Variants in DNAI3 observed in about 807,000 individuals in gnomAD.
DNAI3 encodes the protein WD repeat domain 63.
A neutral mutation model predicts 115.5 loss-of-function variants in DNAI3; 83 were observed. The ratio of observed to expected loss-of-function variants is 0.72; its 90% CI spans 0.60 to 0.86. The LOEUF (loss-of-function observed/expected upper bound fraction) is 0.86, where lower values mean the gene tolerates loss of function less well. Among genes scored for constraint, DNAI3 ranks in the 40% least tolerant of loss-of-function variants. The probability of loss-of-function intolerance (pLI) is 0.00; values close to 1 mark genes in which losing one functional copy is unlikely to be tolerated. For synonymous variants in DNAI3, 320 were observed against 347.0 expected (o/e 0.92, Z 0.86); for missense variants, 1,004 against 1,075.8 (o/e 0.93, Z 0.93).
At chr1:85,117,324 G>T (rs1382566316) in intron 16 of DNAI3, among the ~76,000 whole-genome samples, 2 of 151,920 alleles carry the variant, frequency 1.3e-5, no homozygotes. Flanking sequence ...GATGATTTTC[G>T]TTCTTTTACT....
intron 8 of DNAI3, among the ~76,000 whole-genome samples, 175 bp from the exon 9 acceptor site, chr1:85,093,282 TG>T (rs1369940297): frequency 6.6e-6 from 1 of 152,250 alleles, no homozygotes; most frequent in Non-Finnish European, 1.5e-5. Context: ...GCCACCATGA[TG>T]TTTTTTTCTC....
At chr1:85,078,124 A>G (rs1037051166) in intron 3 of DNAI3, among the ~76,000 whole-genome samples, 6 of 151,956 alleles carry the variant, frequency 3.9e-5, no homozygotes, top group African/African-American at 1.2e-4. Context: ...TGTGTAGAGA[A>G]GCAGGACCCT....
rs575699482 is a variant in DNAI3, at chr1:85,068,835, C to A, written c.-14-3093C>A. Among the ~76,000 whole-genome samples, 101 of 152,174 alleles carry A rather than the reference C, an allele frequency of 6.6e-4. 2 individuals are homozygous for A. Among genetic ancestry groups the A allele is most frequent in the African/African-American group, 2.3e-3 (97 of 41,510 alleles). On this transcript the variant is annotated intron_variant, in intron 1 of 22. Transcript: ENST00000294664. ...TCAGGATTGACTTACTTGCTTAGGC[C>A]AATAGAATGTGAACAGGAGGCACAA...
In DNAI3 at chr1:85,104,611, C is replaced by T. The variant is rs1220644491; in HGVS notation, c.1553+14C>T. The stretch of plus-strand genomic sequence containing the variant: ...TTCAGCAGATTGGTAAGTCTTGTTT[C>T]AAACATTTCCTAATGTGTTTTCATA... On this transcript the variant is annotated intron_variant, in intron 14 of 22. Coordinates refer to ENST00000294664, the MANE Select transcript of DNAI3 (RefSeq NM_145172.5). The T allele has an allele frequency of 1.2e-5, 20 of 1,610,914 alleles. No individual in the cohort carries two copies. Among genetic ancestry groups the T allele is most frequent in the Non-Finnish European group, 1.7e-5 (20 of 1,177,716 alleles).
intron 1 of DNAI3, among the ~76,000 whole-genome samples, chr1:85,071,299 C>A (rs537065639): frequency 3.3e-5 from 5 of 152,268 alleles, no homozygotes; most frequent in Admixed American, 3.3e-4. Context: ...GTGAGCATGG[C>A]GGAGATGACA....
At chr1:85,076,967 C>T (rs1009585230) in intron 3 of DNAI3, among the ~76,000 whole-genome samples, 1 of 152,134 alleles carries the variant, frequency 6.6e-6, no homozygotes, top group Admixed American at 6.5e-5. Flanking sequence ...TCTGCTTCTT[C>T]ATCTGAAAAG....
chr1:85,093,374 AAGG>A (rs939266344), intron 8 of DNAI3, 81 bp from the exon 9 acceptor site: 118 of 1,215,888 alleles, frequency 9.7e-5, no homozygotes, highest in Middle Eastern at 1.9e-4. Flanking sequence ...AGTATAAATG[AAGG>A]AGGAGGAGTT....
intron 3 of DNAI3, among the ~76,000 whole-genome samples, chr1:85,073,636 A>G (rs1212649542): frequency 6.6e-6 from 1 of 152,206 alleles, no homozygotes; most frequent in African/African-American, 2.4e-5. Flanking sequence ...AGAAACAGAA[A>G]GGAGACAATG....
intron 11 of DNAI3, 144 bp downstream of exon 11, chr1:85,096,164 G>A (rs1348732359): frequency 1.7e-5 from 12 of 705,360 alleles, no homozygotes; most frequent in Admixed American, 6.9e-5. Flanking sequence ...ACACCAGGAA[G>A]CAGGGTATAG....
chr1:85,083,499 A>T (rs1455370775), intron 5 of DNAI3, among the ~76,000 whole-genome samples: 1 of 152,146 alleles, frequency 6.6e-6, no homozygotes, highest in Non-Finnish European at 1.5e-5. Flanking sequence ...AAAGAAAAAA[A>T]AATAAAATAA....
intron 1 of DNAI3, among the ~76,000 whole-genome samples, chr1:85,071,024 T>A (rs1654255591): frequency 6.6e-6 from 1 of 152,210 alleles, no homozygotes; most frequent in Admixed American, 6.5e-5. Context: ...GAAATAATAG[T>A]CTGTGTTGAT....
At chr1:85,114,098 C>T (rs1423961789) in intron 16 of DNAI3, among the ~76,000 whole-genome samples, 1 of 148,930 alleles carries the variant, frequency 6.7e-6, no homozygotes, top group African/African-American at 2.5e-5. Flanking sequence ...ACTGCACCTC[C>T]ATCTCCTGAG....
chr1:85,076,211 T>C (rs1654450542), intron 3 of DNAI3, among the ~76,000 whole-genome samples: 1 of 152,144 alleles, frequency 6.6e-6, no homozygotes, highest in South Asian at 2.1e-4. Context: ...TTGACTTTGA[T>C]CCTCCTGTCA....
At position 85,104,749 on chromosome 1, in the gene DNAI3, G is replaced by T. The variant is rs1655434457; in HGVS notation, c.1553+152G>T. The T allele has an allele frequency of 7.3e-6, 5 of 685,622 alleles. No homozygotes were observed. The South Asian group carries it at 1.1e-4, about 15-fold the overall frequency. The allele number at this position is 685,622 out of a possible 1,614,324, so 42.5% of individuals were successfully genotyped here. A position where few individuals can be genotyped will look rare whatever the true frequency, so the allele number is the denominator to read the frequency against. The stretch of plus-strand genomic sequence containing the variant: ...GAAAGAATGTTATGGATTGTTGCTA[G>T]CTTAAAAATTGTTTTATAGAGTTAA... On this transcript the variant is annotated intron_variant, in intron 14 of 22. Transcript: ENST00000294664.
chr1:85,123,062 T>A (rs1656034746), intron 18 of DNAI3, among the ~76,000 whole-genome samples: 1 of 152,224 alleles, frequency 6.6e-6, no homozygotes, highest in Admixed American at 6.5e-5. Flanking sequence ...GTGGCTCTTG[T>A]CAGAAACCTG....
intron 11 of DNAI3, among the ~76,000 whole-genome samples, chr1:85,096,619 T>C (rs1232390532): frequency 1.3e-5 from 2 of 151,900 alleles, no homozygotes; most frequent in Admixed American, 1.3e-4. Flanking sequence ...AATATCCTGT[T>C]TCTCTAGTGA....
At chr1:85,073,120 C>T in intron 3 of DNAI3, 28 bp downstream of exon 3, 5 of 1,490,690 alleles carry the variant, frequency 3.4e-6, no homozygotes, top group Non-Finnish European at 3.6e-6. Context: ...TTACAACTTA[C>T]ATCCTCAGTT....
intron 1 of DNAI3, among the ~76,000 whole-genome samples, chr1:85,068,814 G>T (rs1227242691): frequency 6.6e-6 from 1 of 152,144 alleles, no homozygotes; most frequent in East Asian, 1.9e-4. Flanking sequence ...CCATTATCAG[G>T]ATTGACTTAC....
Position 85,095,934 on chromosome 1 carries a change from A to G in DNAI3, c.1177A>G (p.Met393Val), listed in dbSNP as rs772932096. 3.1e-6 allele frequency: 5 copies of G among 1,613,770 alleles called. No homozygotes were observed. In the South Asian group the frequency reaches 5.5e-5, roughly 18 times the overall value. ...GAATTTGCTGGGTTTACTTTAGTTA[A>G]TGCTGGAGAGCCCAGATGACATCTT... is the stretch of plus-strand genomic sequence containing the variant. ...SFSDPIHPQL[M>V]LESPDDIFCF... Residue 393 changes from methionine (M) to valine (V), a missense_variant, in exon 11 of 23, where the codon ATG (methionine) becomes GTG (valine). By Grantham distance (21) the Met-to-Val change is conservative. Transcript: ENST00000294664.
Sources: gnomAD v4.1 joint callset for allele counts (sites outside exome capture counted in the v4.1 genomes callset) on GRCh38, gnomAD v4.1.1 for gene constraint, MANE v1.5 for transcripts, NCBI Gene and HGNC (gene_info 2026-07-23, HGNC 2026-07-21) for gene names.